MGST2: variants seen among roughly 807,000 people sequenced by gnomAD.
MGST2 encodes the protein glutathione peroxidase MGST2.
MGST2 carries 9 observed loss-of-function variants against 16.6 expected under a neutral mutation model. The observed-to-expected ratio is 0.54, with a 90% confidence interval of 0.33 to 0.95. The LOEUF is 0.95. Ranked by LOEUF, MGST2 falls within the 40% of genes least tolerant of loss-of-function variation. The probability of loss-of-function intolerance (pLI) is 0.03; values close to 1 mark genes in which losing one functional copy is unlikely to be tolerated. For synonymous variants in MGST2, 79 were observed against 68.0 expected (o/e 1.16, Z -0.79); for missense variants, 159 against 175.1 (o/e 0.91, Z 0.52).
At chr4:139,751,697 TGGACCCCA>T in the MGST2 span, among the ~76,000 whole-genome samples, 4 of 152,162 alleles carry the variant, frequency 2.6e-5, no homozygotes, top group Non-Finnish European at 5.9e-5. Flanking sequence ...GTGGGTTTGA[TGGACCCCA>T]GGGAGCCAGT....
chr4:139,734,502 C>T (rs1344180196), intron 5 of MGST2, among the ~76,000 whole-genome samples: 1 of 152,258 alleles, frequency 6.6e-6, no homozygotes, highest in African/African-American at 2.4e-5. Flanking sequence ...GCCCAACCCT[C>T]TGACTCTTCA....
At chr4:139,714,238 G>T (rs182211522) in intron 5 of MGST2, among the ~76,000 whole-genome samples, 3 of 152,276 alleles carry the variant, frequency 2.0e-5, no homozygotes, top group Admixed American at 1.3e-4. Flanking sequence ...ACAGAAAAAC[G>T]AATTCATGGC....
At chr4:139,712,561 T>C (rs1727782538) in intron 5 of MGST2, among the ~76,000 whole-genome samples, 1 of 152,236 alleles carries the variant, frequency 6.6e-6, no homozygotes, top group African/African-American at 2.4e-5. Flanking sequence ...CTCTGTTTCA[T>C]AAGGAATCTC....
At chr4:139,729,891 G>GAA (rs1399649350) in intron 5 of MGST2, among the ~76,000 whole-genome samples, 1 of 152,204 alleles carries the variant, frequency 6.6e-6, no homozygotes, top group Non-Finnish European at 1.5e-5. Context: ...CCCTGTGTGT[G>GAA]ACCCAGAGTT....
intron 5 of MGST2, among the ~76,000 whole-genome samples, chr4:139,731,748 G>A (rs1728735922): frequency 6.6e-6 from 1 of 152,230 alleles, no homozygotes; most frequent in Non-Finnish European, 1.5e-5. Flanking sequence ...CCTTAGGGAA[G>A]AGGAGGTCAA....
chr4:139,710,727 T>C (rs933107819), intron 5 of MGST2, among the ~76,000 whole-genome samples: 21 of 152,196 alleles, frequency 1.4e-4, no homozygotes, highest in African/African-American at 3.9e-4. Flanking sequence ...AATTCTTTCT[T>C]TTGGTTTGTG....
chr4:139,743,278 G>A (rs1729221099), downstream of MGST2, among the ~76,000 whole-genome samples: 1 of 152,222 alleles, frequency 6.6e-6, no homozygotes, highest in South Asian at 2.1e-4. Flanking sequence ...GGTGATTAAT[G>A]CTGGAGTAGG....
intron 5 of MGST2, chr4:139,718,927 G>A (rs1304619455): frequency 5.6e-6 from 1 of 180,152 alleles, no homozygotes; most frequent in Non-Finnish European, 1.2e-5. Context: ...CAAAGCTGCT[G>A]TCTCCCGACC....
At chr4:139,671,338 A>C (rs1730682519) in intron 1 of MGST2, among the ~76,000 whole-genome samples, 1 of 152,174 alleles carries the variant, frequency 6.6e-6, no homozygotes, top group Non-Finnish European at 1.5e-5. Flanking sequence ...AGCTAGGGAA[A>C]GAGGAAAGAC....
chr4:139,680,707 T>G (rs1433080981), intron 2 of MGST2, among the ~76,000 whole-genome samples: 2 of 152,216 alleles, frequency 1.3e-5, no homozygotes. Context: ...TATCTGAAAA[T>G]GCACCTTTAT....
At chr4:139,711,815 A>G (rs1727754941) in intron 5 of MGST2, among the ~76,000 whole-genome samples, 1 of 152,106 alleles carries the variant, frequency 6.6e-6, no homozygotes. Flanking sequence ...TTTCTTTTAT[A>G]AGAGAACCTT....
intron 5 of MGST2, among the ~76,000 whole-genome samples, chr4:139,711,209 G>A (rs1232844790): frequency 1.3e-5 from 2 of 151,712 alleles, no homozygotes; most frequent in African/African-American, 2.4e-5. Context: ...ATGGGGTTTC[G>A]CCATGTTGCC....
intron 2 of MGST2, among the ~76,000 whole-genome samples, chr4:139,681,088 C>T (rs1014460172): frequency 1.3e-5 from 2 of 152,254 alleles, no homozygotes; most frequent in African/African-American, 4.8e-5. Flanking sequence ...ACAATCTCAC[C>T]TCACTGCAGC....
At chr4:139,733,504 C>CT (rs1042103917) in intron 5 of MGST2, among the ~76,000 whole-genome samples, 11 of 149,202 alleles carry the variant, frequency 7.4e-5, no homozygotes, top group African/African-American at 2.2e-4. Context: ...CATCAAACCA[C>CT]TTTTTGCCCG....
chr4:139,698,395 G>T (rs1344597317), intron 3 of MGST2: 67 of 1,593,410 alleles, frequency 4.2e-5, no homozygotes, highest in Non-Finnish European at 5.1e-5. Context: ...TTCTGATAAC[G>T]TCTAATTTCA....
the MGST2 span, among the ~76,000 whole-genome samples, chr4:139,750,553 A>AACCATATT: frequency 6.6e-6 from 1 of 152,228 alleles, no homozygotes; most frequent in Non-Finnish European, 1.5e-5. Flanking sequence ...GCTGTATCTG[A>AACCATATT]ACCATATTAC....
In MGST2 at chr4:139,672,701, C is replaced by T. The variant is rs1018465409; in HGVS notation, c.59-5842C>T. Among the ~76,000 whole-genome samples the T allele has an allele frequency of 3.3e-5, 5 of 152,036 alleles. No individual in the cohort carries two copies. The East Asian group carries it at 9.7e-4, about 29-fold the overall frequency. On this transcript the variant is annotated intron_variant, in intron 1 of 4. Coordinates refer to ENST00000265498, the MANE Select transcript of MGST2 (RefSeq NM_002413.5). The stretch of plus-strand genomic sequence containing the variant: ...GAGTAGCTGGGACTACAGGTGTGCA[C>T]CACCAAACTCAGCTAATTTTTGTAT...
At chr4:139,700,356 C>T (rs749119222) in intron 3 of MGST2, among the ~76,000 whole-genome samples, 4 of 152,176 alleles carry the variant, frequency 2.6e-5, no homozygotes, top group East Asian at 1.9e-4. Context: ...TGGTCTCGAT[C>T]TCCTGATCTC....
rs550689510 is a variant in MGST2 at position 139,694,133 on chromosome 4, T to C, written c.159-1064T>C. ...AAGGTTGAGCTGACCTAGACGCAGT[T>C]TTCTGTGGGATTATGGAGAATGAGG... On this transcript the variant is annotated intron_variant, in intron 2 of 4. Transcript: ENST00000265498. Among the ~76,000 whole-genome samples, 4 of 152,228 alleles carry C rather than the reference T, an allele frequency of 2.6e-5. No homozygotes were observed. The South Asian group carries it at 8.3e-4, about 32-fold the overall frequency.
Sources: gnomAD v4.1 joint callset for allele counts (sites outside exome capture counted in the v4.1 genomes callset) on GRCh38, gnomAD v4.1.1 for gene constraint, MANE v1.5 for transcripts, NCBI Gene and HGNC (gene_info 2026-07-23, HGNC 2026-07-21) for gene names.